The following ATP7B variants were observed in gnomAD, a reference collection of about 807,000 sequenced individuals.
The protein encoded by ATP7B is copper-transporting ATPase 2.
In ATP7B, 113 loss-of-function variants were observed where a neutral mutation model predicts 118.9. The observed-to-expected ratio is 0.95, with a 90% CI of 0.82 to 1.11. The LOEUF (loss-of-function observed/expected upper bound fraction) is 1.11, where lower values mean the gene tolerates loss of function less well. Ranked by LOEUF, ATP7B falls within the 50% of genes most tolerant of loss-of-function variation. The pLI is 0.00. For missense variants in ATP7B, 1,867 were observed against 1,871.4 expected, an observed-to-expected ratio of 1.00 and a Z score of 0.04; for synonymous variants, 777 against 727.4, an observed-to-expected ratio of 1.07 and a Z score of -1.10.
chr13:51,946,917 CAG>C (rs1957702642), intron 12 of ATP7B, among the ~76,000 whole-genome samples: 1 of 152,266 alleles, frequency 6.6e-6, no homozygotes, highest in South Asian at 2.1e-4. Context: ...ATTTAAGAAA[CAG>C]TAACTATTAT....
chr13:51,963,998 C>A (rs1958927909), intron 5 of ATP7B, among the ~76,000 whole-genome samples: 3 of 151,904 alleles, frequency 2.0e-5, no homozygotes, highest in Admixed American at 6.6e-5. Context: ...TTGCAGTGAG[C>A]CAAAATCATG....
At chr13:51,994,506 C>T (rs1953096730) in intron 1 of ATP7B, among the ~76,000 whole-genome samples, 1 of 152,128 alleles carries the variant, frequency 6.6e-6, no homozygotes, top group Non-Finnish European at 1.5e-5. Context: ...AAAATAAATA[C>T]CTCCGAGCAT....
At position 51,970,609 on chromosome 13, in the gene ATP7B, C is replaced by T. The variant is rs139289704; in HGVS notation, c.1426G>A (p.Ala476Thr). 1.7e-4 allele frequency: 276 copies of T among 1,614,078 alleles called. 1 individual carries two copies. In the East Asian group the frequency reaches 5.8e-3, roughly 34 times the overall value. The change falls in exon 3 of 21, where the codon GCA becomes ACA. Residue 476 changes from alanine (A) to threonine (T), a missense_variant. Coordinates refer to ENST00000242839, the MANE Select transcript of ATP7B (RefSeq NM_000053.4). Reference protein sequence around the residue: ...LPANHAPDILAKSPQSTRAVA... With the variant: ...LPANHAPDILTKSPQSTRAVA... ...GCTCTGGTTGATTGTGGGGACTTTG[C>T]CAAGATGTCCGGGGCATGGTTTGCA...
At chr13:52,011,720 C>A (rs1451969174), upstream of ATP7B, among the ~76,000 whole-genome samples, 2 of 152,264 alleles carry the variant, frequency 1.3e-5, no homozygotes. Context: ...ACAATGTCCT[C>A]TGCCGTGCCG....
chr13:52,008,884 T>C (rs563413033), intron 1 of ATP7B, among the ~76,000 whole-genome samples: 7,731 of 55,416 alleles, frequency 0.14, 250 homozygotes, highest in South Asian at 0.19. Flanking sequence ...TTTTCTTTTC[T>C]TTTTTTTTGA....
In ATP7B at chr13:51,960,244, G is replaced by A. The variant is rs2139607888; in HGVS notation, c.2025C>T (p.Ser675=). ...GGACCATGGACTGGTGGGGCTCGTT[G>A]CTGGGTATCAGCATATAGATCATTA... ...MALMIYMLIP[S]NEPHQSMVLD... The change falls in exon 7 of 21, where the codon AGC becomes AGT. Residue 675 remains serine, a synonymous_variant. Coordinates refer to ENST00000242839, the MANE Select transcript of ATP7B (RefSeq NM_000053.4). 6.8e-6 allele frequency: 11 copies of A among 1,613,960 alleles called. No homozygotes were observed. The highest frequency in any genetic ancestry group is 9.3e-6 in the Non-Finnish European group (11 of 1,179,846).
rs561139788 is a variant in ATP7B at position 51,953,851 on chromosome 13, T to TA, written c.2448-3453dup. Reference sequence around the variant, plus strand: ...TTGTAATTTGTTTCCCCATCAATTGTAAAAAAAAAAAAAAAAACCAGAAAA... The same window carrying TA: ...TTGTAATTTGTTTCCCCATCAATTGTAAAAAAAAAAAAAAAAAACCAGAAAA... On this transcript the variant is annotated intron_variant, in intron 9 of 20. Transcript: ENST00000242839. Among the ~76,000 whole-genome samples the TA allele has an allele frequency of 9.2e-3, 872 of 94,362 alleles. 30 individuals are homozygous for TA. Among genetic ancestry groups the TA allele is most frequent in the African/African-American group, 0.024 (567 of 23,320 alleles). The allele number at this position is 94,362 out of a possible 152,430, so 61.9% of individuals were successfully genotyped here. A position where few individuals can be genotyped will look rare whatever the true frequency, so the allele number is the denominator to read the frequency against.
chr13:51,997,567 T>C (rs958416368), intron 1 of ATP7B, among the ~76,000 whole-genome samples: 1 of 152,164 alleles, frequency 6.6e-6, no homozygotes, highest in Non-Finnish European at 1.5e-5. Context: ...GGGGCCAGGT[T>C]AGAAAGGGCA....
rs1397312025 is a variant in ATP7B, at chr13:51,958,785, T to A, written c.2122-241A>T. ...AAACCCAGTGCTTACAACACAAATGTCCTCTAATAAGAGAATGGTGAAAAG... is the reference window on the plus strand; with the variant it reads ...AAACCCAGTGCTTACAACACAAATGACCTCTAATAAGAGAATGGTGAAAAG... On this transcript the variant is annotated intron_variant, in intron 7 of 20. Coordinates refer to ENST00000242839, the MANE Select transcript of ATP7B (RefSeq NM_000053.4). The A allele has an allele frequency of 7.2e-6, 4 of 555,052 alleles. No individual in the cohort carries two copies. In the African/African-American group the frequency reaches 7.6e-5, roughly 11 times the overall value. 34.4% of individuals were successfully genotyped at this position (555,052 alleles called of 1,614,324 possible). A position where few individuals can be genotyped will look rare whatever the true frequency, so the allele number is the denominator to read the frequency against.
chr13:51,937,755 C>T (rs1457387469), intron 17 of ATP7B, 76 bp from the exon 18 acceptor site: 8 of 1,529,132 alleles, frequency 5.2e-6, no homozygotes, highest in African/African-American at 1.4e-5. Context: ...GTTACCCTTG[C>T]CCCCTCTGCC....
intron 12 of ATP7B, among the ~76,000 whole-genome samples, chr13:51,949,085 C>T (rs549791823): frequency 2.0e-5 from 3 of 152,016 alleles, no homozygotes; most frequent in South Asian, 2.1e-4. Flanking sequence ...GAGGCTGAGA[C>T]GGGAGAACTG....
intron 1 of ATP7B, among the ~76,000 whole-genome samples, chr13:51,997,052 G>A (rs1953244876): frequency 6.6e-6 from 1 of 152,156 alleles, no homozygotes; most frequent in African/African-American, 2.4e-5. Flanking sequence ...TGCCTCTATG[G>A]GAGCCCATGT....
At chr13:52,006,183 G>A (rs909473433) in intron 1 of ATP7B, among the ~76,000 whole-genome samples, 1 of 152,154 alleles carries the variant, frequency 6.6e-6, no homozygotes, top group Non-Finnish European at 1.5e-5. Flanking sequence ...ATAAATTCGT[G>A]GGTAAATCTT....
At chr13:51,936,980 T>C (rs1442659483) in intron 19 of ATP7B, among the ~76,000 whole-genome samples, 1 of 152,096 alleles carries the variant, frequency 6.6e-6, no homozygotes, top group African/African-American at 2.4e-5. Flanking sequence ...TCAGACTATA[T>C]GACTTAACAA....
intron 1 of ATP7B, among the ~76,000 whole-genome samples, chr13:52,006,193 T>C (rs9535832): frequency 0.49 from 75,151 of 152,064 alleles, 19,506 homozygotes; most frequent in Non-Finnish European, 0.58. Context: ...GGGTAAATCT[T>C]TGTTCGGGGC....
At position 51,958,411 on chromosome 13, in the gene ATP7B, A is replaced by C. The variant is rs1202332838; in HGVS notation, c.2255T>G (p.Val752Gly). The C allele has an allele frequency of 6.2e-7, 1 of 1,614,240 alleles. No homozygotes were observed. The highest frequency in any genetic ancestry group is 1.1e-5 in the South Asian group (1 of 91,092). ...AGGGCTCCTCTCCGCCTTCTCAGCC[A>C]CAGCAACCACCAGGATGACCAGAGA... ...VYSLVILVVA[V>G]AEKAERSPVT... The change falls in exon 8 of 21, where the codon GTG becomes GGG. Residue 752 changes from valine (V) to glycine (G), a missense_variant. Physicochemically the swap from Val to Gly is moderately radical, Grantham distance 109. Transcript: ENST00000242839.
chr13:52,010,703 A>G (rs1566685877), intron 1 of ATP7B, among the ~76,000 whole-genome samples: 1 of 152,250 alleles, frequency 6.6e-6, no homozygotes, highest in Non-Finnish European at 1.5e-5. Context: ...CTTGTTAACC[A>G]CTGTATCAAC....
At chr13:51,994,248 T>C (rs1034719864) in intron 1 of ATP7B, among the ~76,000 whole-genome samples, 2 of 152,238 alleles carry the variant, frequency 1.3e-5, no homozygotes, top group African/African-American at 4.8e-5. Flanking sequence ...ACTGGCTTAA[T>C]ACAGTTTAAA....
chr13:51,942,167 A>G (rs1234520152), intron 15 of ATP7B, among the ~76,000 whole-genome samples: 1 of 152,238 alleles, frequency 6.6e-6, no homozygotes, highest in African/African-American at 2.4e-5. Context: ...TGGGTCAGCT[A>G]AACAATGCTC....
Sources: gnomAD v4.1 joint callset for allele counts (sites outside exome capture counted in the v4.1 genomes callset) on GRCh38, gnomAD v4.1.1 for gene constraint, MANE v1.5 for transcripts, NCBI Gene and HGNC (gene_info 2026-07-23, HGNC 2026-07-21) for gene names.